Variants in AGBL2 observed in about 807,000 individuals in gnomAD.
AGBL2 encodes the protein AGBL carboxypeptidase 2, also known as cytosolic carboxypeptidase 2.
AGBL2 carries 87 observed loss-of-function variants against 103.0 expected under a neutral mutation model. The observed-to-expected ratio is 0.84, with a 90% CI of 0.71 to 1.01. AGBL2 has a LOEUF of 1.01. Ranked by LOEUF, AGBL2 falls within the 50% of genes least tolerant of loss-of-function variation. AGBL2 has a pLI of 0.00. For missense variants in AGBL2, 904 were observed against 1,023.5 expected (o/e 0.88, Z 1.59); for synonymous variants, 335 against 356.7 (o/e 0.94, Z 0.69).
chr11:47,683,147 A>G (rs1474386040), intron 11 of AGBL2, among the ~76,000 whole-genome samples: 1 of 151,758 alleles, frequency 6.6e-6, no homozygotes, highest in Non-Finnish European at 1.5e-5. Context: ...GAGACGGCCC[A>G]ATCACCTGAG....
chr11:47,708,982 A>G (rs888346398), intron 4 of AGBL2, among the ~76,000 whole-genome samples: 2 of 151,752 alleles, frequency 1.3e-5, no homozygotes, highest in African/African-American at 4.8e-5. Context: ...ATTAGCCAGG[A>G]GTGGTGGCGG....
At chr11:47,664,150 T>C (rs553580735) in intron 17 of AGBL2, among the ~76,000 whole-genome samples, 77 of 152,122 alleles carry the variant, frequency 5.1e-4, no homozygotes, top group Non-Finnish European at 9.0e-4. Context: ...TCACCGTGCC[T>C]GGGCAGCACT....
At chr11:47,700,493 C>T (rs889050491) in intron 7 of AGBL2, among the ~76,000 whole-genome samples, 4 of 151,898 alleles carry the variant, frequency 2.6e-5, no homozygotes, top group Non-Finnish European at 4.4e-5. Context: ...GTAGGAGAAT[C>T]GCTCTAACCT....
intron 9 of AGBL2, among the ~76,000 whole-genome samples, 168 bp downstream of exon 9, chr11:47,691,934 AT>A (rs2097449108): frequency 1.3e-5 from 2 of 151,040 alleles, no homozygotes; most frequent in South Asian, 4.2e-4. Context: ...TTTAGAAAAC[AT>A]TTTATTTTGG....
intron 18 of AGBL2, among the ~76,000 whole-genome samples, chr11:47,661,611 T>A (rs59039151): frequency 6.6e-6 from 1 of 152,084 alleles, no homozygotes; most frequent in Non-Finnish European, 1.5e-5. Flanking sequence ...ACTCCATCCA[T>A]TGGGAGAACC....
chr11:47,709,121 T>G (rs967052676), intron 4 of AGBL2, among the ~76,000 whole-genome samples: 1 of 152,210 alleles, frequency 6.6e-6, no homozygotes, highest in African/African-American at 2.4e-5. Context: ...AGACTCCGTC[T>G]CAAAACAAAA....
At chr11:47,700,877 C>G (rs144914157) in intron 7 of AGBL2, among the ~76,000 whole-genome samples, 1 of 149,428 alleles carries the variant, frequency 6.7e-6, no homozygotes, top group Non-Finnish European at 1.5e-5. Context: ...CTGGCCAACA[C>G]GGTGAAACCC....
chr11:47,661,600 G>A (rs113526579), intron 18 of AGBL2, among the ~76,000 whole-genome samples: 3 of 151,998 alleles, frequency 2.0e-5, no homozygotes, highest in African/African-American at 7.2e-5. Context: ...AGACAGCAGG[G>A]ACTCCATCCA....
At chr11:47,682,647 C>T (rs1228713267) in intron 11 of AGBL2, among the ~76,000 whole-genome samples, 1 of 152,156 alleles carries the variant, frequency 6.6e-6, no homozygotes, top group Non-Finnish European at 1.5e-5. Flanking sequence ...CTCCCTTACA[C>T]TAATCTTATC....
At chr11:47,677,250 A>G (rs1262459666) in intron 14 of AGBL2, 21 bp downstream of exon 14, 1 of 1,563,610 alleles carries the variant, frequency 6.4e-7, no homozygotes. Context: ...AAAAAACAAA[A>G]CTCTGTTTTT....
At chr11:47,686,874 A>T (rs2097425800) in intron 10 of AGBL2, among the ~76,000 whole-genome samples, 1 of 149,618 alleles carries the variant, frequency 6.7e-6, no homozygotes, top group Non-Finnish European at 1.5e-5. Flanking sequence ...CAGGAGAATC[A>T]CTTGAACACA....
chr11:47,681,738 G>T (rs1262782784), intron 12 of AGBL2, among the ~76,000 whole-genome samples: 1 of 152,164 alleles, frequency 6.6e-6, no homozygotes, highest in Non-Finnish European at 1.5e-5. Flanking sequence ...GATTACAGGC[G>T]TGAGCCACTG....
In AGBL2 at chr11:47,660,243, T is replaced by C; in HGVS notation, c.2639A>G (p.Tyr880Cys). The C allele has an allele frequency of 6.2e-7, 1 of 1,614,248 alleles. No individual in the cohort carries two copies. Among genetic ancestry groups the C allele is most frequent in the Non-Finnish European group, 8.5e-7 (1 of 1,180,046 alleles). ...AGCACAGCCTCTCTTTGTGGCAGGATATCTGCTCCTAGGCCAGTTTGGCTT... is the reference window on the plus strand; with the variant it reads ...AGCACAGCCTCTCTTTGTGGCAGGACATCTGCTCCTAGGCCAGTTTGGCTT... ...GMKPNWPRSR[Y>C]PATKRGCAAM... The change falls in exon 19 of 19, where the codon TAT becomes TGT. Residue 880 changes from tyrosine to cysteine, a missense_variant. Physicochemically the swap from Tyr to Cys is radical, Grantham distance 194. Coordinates refer to ENST00000525123, the MANE Select transcript of AGBL2 (RefSeq NM_024783.4).
chr11:47,679,887 C>G, intron 13 of AGBL2, 86 bp downstream of exon 13: 3 of 820,238 alleles, frequency 3.7e-6, no homozygotes, highest in Non-Finnish European at 6.1e-6. Context: ...GGCAATCCAC[C>G]CACTTCAGCC....
chr11:47,692,565 C>T (rs927456309), intron 8 of AGBL2, among the ~76,000 whole-genome samples: 2 of 151,590 alleles, frequency 1.3e-5, no homozygotes, highest in Non-Finnish European at 2.9e-5. Flanking sequence ...GCGCCCACCA[C>T]CACGCCTGGC....
rs35898124 is a variant in AGBL2, at chr11:47,690,710, T to G, written c.997A>C (p.Thr333Pro). ...VNLLKPKSLY[T>P]VGMKPLLYSQ... ...TACAAGAGTGGCTTCATCCCTACAGTATAAAGACTCTTGGGTTTTAGCAAG... is the reference window on the plus strand; with the variant it reads ...TACAAGAGTGGCTTCATCCCTACAGGATAAAGACTCTTGGGTTTTAGCAAG... The change falls in exon 10 of 19, where the codon ACT (threonine) becomes CCT (proline). Residue 333 changes from threonine (T) to proline (P), a missense_variant. Physicochemically the swap from Thr to Pro is conservative, Grantham distance 38 (BLOSUM62 -1). Transcript: ENST00000525123. The G allele has an allele frequency of 8.1e-6, 13 of 1,614,106 alleles. No homozygotes were observed. In the African/African-American group the frequency reaches 1.6e-4, roughly 20 times the overall value.
chr11:47,690,554 A>T lies in AGBL2; in HGVS notation c.1153T>A (p.Tyr385Asn), dbSNP rs781194462. ...GCAAAGAAGCAAGTGTCCTGGTCATATGGAAACTGAATGGTCCACGTGAGA... is the reference window on the plus strand; with the variant it reads ...GCAAAGAAGCAAGTGTCCTGGTCATTTGGAAACTGAATGGTCCACGTGAGA... ...YCLTWTIQFP[Y>N]DQDTCFFAHF... Residue 385 changes from tyrosine (Y) to asparagine (N), a missense_variant, in exon 10 of 19, where the codon TAT (tyrosine) becomes AAT (asparagine). By Grantham distance (143) the Tyr-to-Asn change is moderately radical. Coordinates refer to ENST00000525123, the MANE Select transcript of AGBL2 (RefSeq NM_024783.4). The T allele has an allele frequency of 4.3e-6, 7 of 1,614,204 alleles. No individual in the cohort carries two copies. In the Admixed American group the frequency reaches 5.0e-5, roughly 12 times the overall value.
In AGBL2 at chr11:47,699,462, G is replaced by A; in HGVS notation, c.678C>T (p.Val226=). ...TGACAATACCTGAATCTAATTGATA[G>A]ACAACTGTTCCTTTTTTCTCTCCTA... ...EIVGEKKGTV[V]YQLDSVPIEG... is the part of the protein sequence containing the mutation. The change falls in exon 8 of 19, where the codon GTC becomes GTT. Residue 226 remains valine, a synonymous_variant. Coordinates refer to ENST00000525123, the MANE Select transcript of AGBL2 (RefSeq NM_024783.4). The A allele has an allele frequency of 6.4e-7, 1 of 1,572,050 alleles. No homozygotes were observed. Among genetic ancestry groups the A allele is most frequent in the South Asian group, 1.1e-5 (1 of 89,020 alleles).
chr11:47,707,091 A>G (rs2153805367), intron 4 of AGBL2, among the ~76,000 whole-genome samples: 1 of 150,632 alleles, frequency 6.6e-6, no homozygotes, highest in South Asian at 2.1e-4. Context: ...CCTAGCTACT[A>G]GGGAGGCTGA....
Sources: allele counts gnomAD v4.1 joint callset (sites outside exome capture counted in the v4.1 genomes callset), GRCh38; gene constraint gnomAD v4.1.1; transcripts MANE v1.5; gene names NCBI Gene and HGNC (gene_info 2026-07-23, HGNC 2026-07-21).